Variants in AFAP1L1 observed in about 807,000 individuals in gnomAD.
AFAP1L1 encodes actin filament associated protein 1 like 1, also known as actin filament-associated protein 1-like 1.
In AFAP1L1, 77 loss-of-function variants were observed where a neutral mutation model predicts 99.8. That is an observed-to-expected ratio of 0.77 (90% CI 0.64 to 0.93). The LOEUF (loss-of-function observed/expected upper bound fraction) is 0.93, where lower values mean the gene tolerates loss of function less well. Among genes scored for constraint, AFAP1L1 ranks in the 40% least tolerant of loss-of-function variants. The pLI, the probability that AFAP1L1 is intolerant of heterozygous loss-of-function variation, is 0.00. For missense variants in AFAP1L1, 893 were observed against 996.8 expected (o/e 0.90, Z 1.40); for synonymous variants, 373 against 395.3 (o/e 0.94, Z 0.67).
intron 14 of AFAP1L1, among the ~76,000 whole-genome samples, 198 bp from the exon 15 acceptor site, chr5:149,322,408 C>T (rs1383089287): frequency 2.0e-5 from 3 of 152,190 alleles, no homozygotes; most frequent in African/African-American, 7.2e-5. Flanking sequence ...TGCTGCCCCC[C>T]AGCAGAAAGG....
In AFAP1L1 at chr5:149,280,553, T is replaced by A. The variant is rs552348593; in HGVS notation, c.16+8569T>A. On this transcript the variant is annotated intron_variant, in intron 1 of 18. Coordinates refer to ENST00000296721, the MANE Select transcript of AFAP1L1 (RefSeq NM_152406.4). ...ATAATTACTGTTTTCATGCACTGCT[T>A]TTATCTTGACCCTTGACCTTGCTCA... Among the ~76,000 whole-genome samples, 5 of 152,308 alleles carry A rather than the reference T, an allele frequency of 3.3e-5. No individual in the cohort carries two copies. The South Asian group carries it at 1.0e-3, about 32-fold the overall frequency.
chr5:149,299,239 G>T (rs1305841245), intron 1 of AFAP1L1, among the ~76,000 whole-genome samples: 2 of 152,200 alleles, frequency 1.3e-5, no homozygotes, highest in Admixed American at 6.5e-5. Flanking sequence ...AGGGTTGCCA[G>T]ATGAGCCCAG....
At chr5:149,329,531 A>G (rs1371451519) in intron 15 of AFAP1L1, 135 bp from the exon 16 acceptor site, 1 of 908,332 alleles carries the variant, frequency 1.1e-6, no homozygotes, top group Non-Finnish European at 1.6e-6. Context: ...CACACTAAAT[A>G]TATCTAAGGG....
intron 9 of AFAP1L1, among the ~76,000 whole-genome samples, chr5:149,313,579 G>A (rs1756704592): frequency 6.6e-6 from 1 of 151,394 alleles, no homozygotes; most frequent in African/African-American, 2.5e-5. Flanking sequence ...CCAGGATCCT[G>A]AGCACCTGCT....
intron 1 of AFAP1L1, among the ~76,000 whole-genome samples, chr5:149,274,156 GC>G (rs1336867510): frequency 2.0e-5 from 3 of 152,226 alleles, no homozygotes; most frequent in Non-Finnish European, 4.4e-5. Context: ...TTTAGTGTCG[GC>G]CTCCCTACCC....
chr5:149,324,123 A>G (rs1460903960), intron 15 of AFAP1L1, among the ~76,000 whole-genome samples: 1 of 152,216 alleles, frequency 6.6e-6, no homozygotes, highest in Admixed American at 6.5e-5. Flanking sequence ...ATGAATTCCA[A>G]CAAGGTTGTT....
chr5:149,309,705 T>A (rs1158859330), intron 7 of AFAP1L1, among the ~76,000 whole-genome samples: 1 of 152,160 alleles, frequency 6.6e-6, no homozygotes. Flanking sequence ...TTCCTAGGAT[T>A]GTGCTACATT....
intron 1 of AFAP1L1, among the ~76,000 whole-genome samples, chr5:149,273,565 G>A (rs908962572): frequency 6.6e-6 from 1 of 152,094 alleles, no homozygotes; most frequent in Non-Finnish European, 1.5e-5. Flanking sequence ...GCAGGAAAGA[G>A]AGTGGGCTTC....
chr5:149,319,638 C>T lies in AFAP1L1; in HGVS notation c.1536C>T (p.Gly512=), dbSNP rs1425954983. 5 of 1,613,182 alleles carry T rather than the reference C, an allele frequency of 3.1e-6. No homozygotes were observed. Among genetic ancestry groups the T allele is most frequent in the East Asian group, 2.2e-5 (1 of 44,868 alleles). The change falls in exon 13 of 19, where the codon GGC becomes GGT. Residue 512 remains glycine, a synonymous_variant. Coordinates refer to ENST00000296721, the MANE Select transcript of AFAP1L1 (RefSeq NM_152406.4). ...RWLGLLLVEM[G]SRVTPEALHY... is the part of the protein sequence containing the mutation. ...TCGGGCTGCTGCTGGTGGAGATGGG[C>T]TCCAGAGTCACTCCGGAGGCGCTGC...
chr5:149,279,177 C>T (rs539725046), intron 1 of AFAP1L1, among the ~76,000 whole-genome samples: 7 of 152,342 alleles, frequency 4.6e-5, no homozygotes, highest in South Asian at 2.1e-4. Flanking sequence ...GGAATCAGTT[C>T]TCAAATTCGT....
Position 149,343,032 on chromosome 5 carries a change from TC to T in AFAP1L1, c.*3003del, listed in dbSNP as rs1757600988. ...CTGTCACTGTTTCCTTATTGCGGGA[TC>T]TTGCATAGGTTTACCAACCTTTCTG... is the stretch of plus-strand genomic sequence containing the variant. On this transcript the variant is annotated 3_prime_UTR_variant, in exon 19 of 19. Coordinates refer to ENST00000296721, the MANE Select transcript of AFAP1L1 (RefSeq NM_152406.4). Among the ~76,000 whole-genome samples, 1 of 152,308 alleles carries T rather than the reference TC, an allele frequency of 6.6e-6. No homozygotes were observed. The highest frequency in any genetic ancestry group is 1.9e-4 in the East Asian group (1 of 5,190).
intron 18 of AFAP1L1, among the ~76,000 whole-genome samples, chr5:149,339,235 C>T (rs1222640690): frequency 7.1e-6 from 1 of 140,448 alleles, no homozygotes; most frequent in Non-Finnish European, 1.5e-5. Flanking sequence ...GGCTGGAGTG[C>T]AGTGGTATGA....
At chr5:149,281,683 A>G (rs983088381) in intron 1 of AFAP1L1, among the ~76,000 whole-genome samples, 1 of 151,858 alleles carries the variant, frequency 6.6e-6, no homozygotes, top group Non-Finnish European at 1.5e-5. Flanking sequence ...TGAAAGGCCT[A>G]TTTATGCAGC....
intron 7 of AFAP1L1, 98 bp from the exon 8 acceptor site, chr5:149,309,858 A>G: frequency 6.7e-7 from 1 of 1,500,138 alleles, no homozygotes; most frequent in Non-Finnish European, 9.2e-7. Context: ...GGAGGTCTCT[A>G]AAGGGAGGTC....
chr5:149,302,968 G>T (rs1756280260), intron 5 of AFAP1L1, among the ~76,000 whole-genome samples: 1 of 152,170 alleles, frequency 6.6e-6, no homozygotes, highest in African/African-American at 2.4e-5. Flanking sequence ...CCTATAGGTG[G>T]GTTAGGTTAT....
At chr5:149,329,629 A>C (rs1472019930) in intron 15 of AFAP1L1, 37 bp from the exon 16 acceptor site, 1 of 1,581,846 alleles carries the variant, frequency 6.3e-7, no homozygotes. Flanking sequence ...GCCAGAGGTC[A>C]GAACTGAGGG....
intron 1 of AFAP1L1, among the ~76,000 whole-genome samples, chr5:149,290,327 A>C (rs1247417270): frequency 6.6e-6 from 1 of 152,224 alleles, no homozygotes; most frequent in Non-Finnish European, 1.5e-5. Flanking sequence ...GATAGCTAAC[A>C]TTTACTGAGA....
At position 149,320,485 on chromosome 5, in the gene AFAP1L1, C is replaced by T; in HGVS notation, c.1698+22C>T. On this transcript the variant is annotated intron_variant, in intron 14 of 18. Transcript: ENST00000296721. This position sits in a 1 kb window ranked among gnomAD's most constrained non-coding sequence, Gnocchi z 4.0. Reference sequence around the variant, plus strand: ...GCAGGTACAGTCCCTTGGGGCTGCCCAGGAATGTGGCAAAGGCCACTTATT... The same window carrying T: ...GCAGGTACAGTCCCTTGGGGCTGCCTAGGAATGTGGCAAAGGCCACTTATT... 1.9e-6 allele frequency: 3 copies of T among 1,612,264 alleles called. No homozygotes were observed. In the South Asian group the frequency reaches 3.3e-5, roughly 18 times the overall value.
At position 149,315,930 on chromosome 5, in the gene AFAP1L1, G is replaced by T; in HGVS notation, c.1114+16G>T. 2 of 1,613,870 alleles carry T rather than the reference G, an allele frequency of 1.2e-6. No homozygotes were observed. The highest frequency in any genetic ancestry group is 1.1e-5 in the South Asian group (1 of 91,068). Reference sequence around the variant, plus strand: ...TGTGATCACGGTAGGAGCCTCTGGGGGCTCAGGCTGGGGAATGCTGGAACT... The same window carrying T: ...TGTGATCACGGTAGGAGCCTCTGGGTGCTCAGGCTGGGGAATGCTGGAACT... On this transcript the variant is annotated intron_variant, in intron 10 of 18. Transcript: ENST00000296721.
Sources: allele counts gnomAD v4.1 joint callset (sites outside exome capture counted in the v4.1 genomes callset), GRCh38; gene constraint gnomAD v4.1.1; non-coding constraint Gnocchi (gnomAD v3.1); transcripts MANE v1.5; gene names NCBI Gene and HGNC (gene_info 2026-07-23, HGNC 2026-07-21).